The following SPECC1 variants were observed in gnomAD, a reference collection of about 807,000 sequenced individuals.
SPECC1 encodes sperm antigen with calponin homology and coiled-coil domains 1.
Under a neutral mutation model 104.1 loss-of-function variants are expected in SPECC1, and 62 were observed. The ratio of observed to expected loss-of-function variants is 0.60; its 90% CI spans 0.49 to 0.74. The LOEUF is 0.74. Ranked by LOEUF, SPECC1 falls within the 30% of genes least tolerant of loss-of-function variation. The pLI, the probability that SPECC1 is intolerant of heterozygous loss-of-function variation, is 0.00. For missense variants in SPECC1, 1,306 were observed against 1,310.5 expected (o/e 1.00, Z 0.05); for synonymous variants, 513 against 501.6 (o/e 1.02, Z -0.30).
intron 3 of SPECC1, among the ~76,000 whole-genome samples, chr17:20,183,623 A>G (rs985292994): frequency 1.2e-4 from 18 of 152,218 alleles, no homozygotes; most frequent in Admixed American, 2.6e-4. Context: ...CATTTAAACT[A>G]CGCACATTCT....
At chr17:20,189,837 A>C (rs1283800638) in intron 3 of SPECC1, among the ~76,000 whole-genome samples, 2 of 152,152 alleles carry the variant, frequency 1.3e-5, no homozygotes, top group Admixed American at 1.3e-4. Context: ...CATTCTTCCC[A>C]AAAAAAGTAA....
chr17:20,245,918 C>T lies in SPECC1; in HGVS notation c.2352-8C>T, dbSNP rs772052027. 17 of 1,613,766 alleles carry T rather than the reference C, an allele frequency of 1.1e-5. No individual in the cohort carries two copies. The highest frequency in any genetic ancestry group is 1.4e-5 in the Non-Finnish European group (17 of 1,179,880). On this transcript the variant is annotated splice_polypyrimidine_tract_variant and splice_region_variant and intron_variant, in intron 7 of 14. Transcript: ENST00000395527. ...TCTTTTCAATCTGATTTGCTCTTTG[C>T]CATGCAGACCTGTGGATGAAGAGCC...
chr17:20,018,244 C>T (rs879927767), intron 1 of SPECC1: 1 of 152,214 alleles, frequency 6.6e-6, no homozygotes, highest in Admixed American at 6.5e-5. Context: ...TAATCTGGTT[C>T]TGAGTACTTT....
chr17:20,082,990 G>A (rs62067526), intron 1 of SPECC1, among the ~76,000 whole-genome samples: 4 of 127,008 alleles, frequency 3.1e-5, no homozygotes, highest in African/African-American at 1.0e-4. Context: ...TCGTTCGTTC[G>A]TTCGTTCGTT....
At chr17:20,057,034 C>T (rs546246897) in intron 1 of SPECC1, among the ~76,000 whole-genome samples, 2 of 152,218 alleles carry the variant, frequency 1.3e-5, no homozygotes, top group Admixed American at 1.3e-4. Context: ...ACTGATCAAT[C>T]TGGATATGCA....
chr17:20,281,847 C>G (rs1306520296), intron 12 of SPECC1, among the ~76,000 whole-genome samples: 1 of 152,228 alleles, frequency 6.6e-6, no homozygotes, highest in East Asian at 1.9e-4. Flanking sequence ...CCCCAGAGGC[C>G]TGAGCATGGT....
intron 2 of SPECC1, among the ~76,000 whole-genome samples, chr17:20,103,035 A>C (rs891249490): frequency 3.3e-5 from 5 of 152,192 alleles, no homozygotes; most frequent in Non-Finnish European, 7.3e-5. Flanking sequence ...GATTTGCCCA[A>C]GGTCACACAG....
chr17:20,095,833 T>C (rs939344756), intron 1 of SPECC1: 8 of 152,792 alleles, frequency 5.2e-5, no homozygotes, highest in Non-Finnish European at 1.0e-4. Flanking sequence ...GGAGTCAGGG[T>C]TGGGGCTGGA....
chr17:20,030,552 T>A (rs1040343242), intron 1 of SPECC1, among the ~76,000 whole-genome samples: 5 of 152,212 alleles, frequency 3.3e-5, no homozygotes, highest in African/African-American at 4.8e-5. Flanking sequence ...TATATTTCTA[T>A]ATATGTTATA....
intron 1 of SPECC1, among the ~76,000 whole-genome samples, chr17:20,039,254 T>C (rs1374761531): frequency 6.6e-6 from 1 of 152,220 alleles, no homozygotes; most frequent in Non-Finnish European, 1.5e-5. Context: ...GTTCCGTAAA[T>C]GTCTATTAGA....
intron 12 of SPECC1, 121 bp downstream of exon 12, chr17:20,260,415 T>C: frequency 1.2e-6 from 1 of 815,034 alleles, no homozygotes; most frequent in South Asian, 2.0e-5. Context: ...CATCTTTCTA[T>C]TCTCCTAGGC....
intron 3 of SPECC1, among the ~76,000 whole-genome samples, chr17:20,173,518 C>A (rs1337981521): frequency 1.3e-5 from 2 of 152,312 alleles, no homozygotes; most frequent in East Asian, 3.9e-4. Flanking sequence ...ATGACACTAT[C>A]ACTATAACAT....
chr17:20,283,921 G>A (rs2040858835), intron 12 of SPECC1, among the ~76,000 whole-genome samples: 1 of 152,088 alleles, frequency 6.6e-6, no homozygotes, highest in Non-Finnish European at 1.5e-5. Context: ...TATATTTTGA[G>A]TATTAGTCGT....
intron 3 of SPECC1, among the ~76,000 whole-genome samples, chr17:20,150,075 C>G (rs1354845530): frequency 6.6e-6 from 1 of 151,920 alleles, no homozygotes; most frequent in Non-Finnish European, 1.5e-5. Context: ...CGGGTTCACA[C>G]CATTATCCTG....
intron 1 of SPECC1, chr17:20,057,894 C>T (rs1364750146): frequency 2.0e-5 from 3 of 152,020 alleles, no homozygotes; most frequent in Admixed American, 2.0e-4. Context: ...TGCAGCATTT[C>T]AGTGTAGTTT....
At chr17:20,159,030 T>G (rs1381871512) in intron 3 of SPECC1, among the ~76,000 whole-genome samples, 2 of 151,884 alleles carry the variant, frequency 1.3e-5, no homozygotes, top group Non-Finnish European at 2.9e-5. Context: ...TGATCTTGGC[T>G]CACTGCAACC....
intron 13 of SPECC1, 152 bp downstream of exon 13, chr17:20,297,229 G>A (rs921564541): frequency 5.5e-5 from 33 of 600,838 alleles, no homozygotes; most frequent in African/African-American, 4.1e-4. Context: ...TGACTGCACC[G>A]TGGAATCCCA....
chr17:20,310,251 C>A (rs190999182), intron 14 of SPECC1, among the ~76,000 whole-genome samples: 2 of 152,082 alleles, frequency 1.3e-5, no homozygotes, highest in Admixed American at 1.3e-4. Context: ...GGATATATAC[C>A]CAGTAATGAT....
chr17:20,062,274 T>C (rs16960660), intron 1 of SPECC1, among the ~76,000 whole-genome samples: 18,511 of 151,224 alleles, frequency 0.12, 1,151 homozygotes, highest in Non-Finnish European at 0.13. Flanking sequence ...AAAAAAAAAT[T>C]TTGTTCTCCA....
Sources: allele counts gnomAD v4.1 joint callset (sites outside exome capture counted in the v4.1 genomes callset), GRCh38; gene constraint gnomAD v4.1.1; transcripts MANE v1.5; gene names NCBI Gene and HGNC (gene_info 2026-07-23, HGNC 2026-07-21).